The following SAMTOR variants were observed in gnomAD, a reference collection of about 807,000 sequenced individuals.
SAMTOR encodes UPF0532 protein C7orf60.
chr7:112,853,546 T>C, the SAMTOR span, among the ~76,000 whole-genome samples: 1 of 152,256 alleles, frequency 6.6e-6, no homozygotes, highest in Non-Finnish European at 1.5e-5. Context: ...ACTCAAGACA[T>C]GTTAAGAAAG....
chr7:112,931,104 G>A, the SAMTOR span, among the ~76,000 whole-genome samples: 1 of 152,192 alleles, frequency 6.6e-6, no homozygotes, highest in Non-Finnish European at 1.5e-5. Context: ...AATTCTGGCT[G>A]CACATTGGAA....
the SAMTOR span, among the ~76,000 whole-genome samples, chr7:112,842,474 G>A: frequency 0.011 from 1,640 of 151,988 alleles, 30 homozygotes; most frequent in African/African-American, 0.037. Context: ...CTGGCTTCCC[G>A]TCATCATTTG....
chr7:112,927,073 C>G, the SAMTOR span, among the ~76,000 whole-genome samples: 1 of 151,826 alleles, frequency 6.6e-6, no homozygotes, highest in South Asian at 2.1e-4. Context: ...TTCATAATAG[C>G]CCATTTTTTG....
At chr7:112,863,808 T>C in the SAMTOR span, among the ~76,000 whole-genome samples, 8 of 152,206 alleles carry the variant, frequency 5.3e-5, no homozygotes, top group African/African-American at 1.7e-4. Context: ...TACACACTCC[T>C]GGTGGGAGCG....
the SAMTOR span, among the ~76,000 whole-genome samples, chr7:112,925,971 G>A: frequency 6.6e-6 from 1 of 152,106 alleles, no homozygotes; most frequent in Non-Finnish European, 1.5e-5. Flanking sequence ...AAAGCATACC[G>A]AATGTGTCCA....
the SAMTOR span, among the ~76,000 whole-genome samples, chr7:112,927,123 CAA>C: frequency 1.3e-5 from 2 of 151,826 alleles, no homozygotes; most frequent in Non-Finnish European, 2.9e-5. Flanking sequence ...AAATTTTGAG[CAA>C]AGTTTTTCAA....
chr7:112,857,629 T>G, the SAMTOR span, among the ~76,000 whole-genome samples: 1 of 152,214 alleles, frequency 6.6e-6, no homozygotes, highest in African/African-American at 2.4e-5. Flanking sequence ...TTCAGAGCTG[T>G]GCTGATCTAT....
the SAMTOR span, chr7:112,821,971 TA>T: frequency 6.2e-7 from 1 of 1,613,506 alleles, no homozygotes; most frequent in Non-Finnish European, 8.5e-7. Flanking sequence ...TAGTTCCTAC[TA>T]ACCAAGTCAC....
the SAMTOR span, among the ~76,000 whole-genome samples, chr7:112,901,964 A>G: frequency 4.6e-5 from 7 of 152,210 alleles, no homozygotes; most frequent in African/African-American, 1.7e-4. Context: ...GTATAAAGAA[A>G]TGAGATATCA....
the SAMTOR span, chr7:112,915,162 C>T: frequency 1.7e-4 from 104 of 623,546 alleles, no homozygotes; most frequent in Non-Finnish European, 2.2e-4. Flanking sequence ...TGATTGAACC[C>T]GGGAGGTGGA....
At chr7:112,930,004 G>C in the SAMTOR span, among the ~76,000 whole-genome samples, 1 of 151,948 alleles carries the variant, frequency 6.6e-6, no homozygotes, top group Non-Finnish European at 1.5e-5. Flanking sequence ...AAATACATGA[G>C]TATCAAAAGT....
the SAMTOR span, among the ~76,000 whole-genome samples, chr7:112,825,083 G>C: frequency 2.4e-4 from 37 of 152,240 alleles, no homozygotes; most frequent in Non-Finnish European, 5.1e-4. Flanking sequence ...GTACAGTGGT[G>C]TGATCTTAGC....
At chr7:112,916,886 G>C in the SAMTOR span, among the ~76,000 whole-genome samples, 50 of 152,082 alleles carry the variant, frequency 3.3e-4, no homozygotes, top group African/African-American at 1.2e-3. Flanking sequence ...CAGCGAGACT[G>C]GGGGAGGGGC....
At chr7:112,891,824 G>T in the SAMTOR span, among the ~76,000 whole-genome samples, 2 of 152,216 alleles carry the variant, frequency 1.3e-5, no homozygotes, top group Admixed American at 1.3e-4. Context: ...CTTTTTACTG[G>T]TGGAAGCTTT....
the SAMTOR span, among the ~76,000 whole-genome samples, chr7:112,851,276 T>A: frequency 1.3e-5 from 2 of 152,180 alleles, no homozygotes; most frequent in Non-Finnish European, 2.9e-5. Flanking sequence ...GCTGGAATCA[T>A]CATATTATTC....
chr7:112,829,638 A>G, the SAMTOR span, among the ~76,000 whole-genome samples: 2 of 152,204 alleles, frequency 1.3e-5, no homozygotes, highest in African/African-American at 4.8e-5. Context: ...ATTGCTATAA[A>G]TATTCCTGAA....
At chr7:112,914,162 A>T in the SAMTOR span, among the ~76,000 whole-genome samples, 1 of 152,212 alleles carries the variant, frequency 6.6e-6, no homozygotes, top group Non-Finnish European at 1.5e-5. Flanking sequence ...AGATGTAAAA[A>T]TTTTTGAATA....
chr7:112,929,964 AG>A, the SAMTOR span, among the ~76,000 whole-genome samples: 1 of 139,400 alleles, frequency 7.2e-6, no homozygotes, highest in Non-Finnish European at 1.6e-5. Context: ...ATTAAATTTG[AG>A]GGCCATCAAA....
At chr7:112,908,939 G>A in the SAMTOR span, among the ~76,000 whole-genome samples, 11 of 151,972 alleles carry the variant, frequency 7.2e-5, no homozygotes, top group Admixed American at 4.6e-4. Flanking sequence ...AAGACCTCAC[G>A]TTTCATTATA....
Sources: allele counts gnomAD v4.1 joint callset (sites outside exome capture counted in the v4.1 genomes callset), GRCh38; gene constraint gnomAD v4.1.1; transcripts MANE v1.5; gene names NCBI Gene and HGNC (gene_info 2026-07-23, HGNC 2026-07-21).